SENP1: variants seen among roughly 807,000 people sequenced by gnomAD.
SENP1 encodes the protein SUMO specific peptidase 1, also known as sentrin-specific protease 1.
A neutral mutation model predicts 93.0 loss-of-function variants in SENP1; 21 were observed. The ratio of observed to expected loss-of-function variants is 0.23; its 90% confidence interval spans 0.16 to 0.33. The LOEUF (loss-of-function observed/expected upper bound fraction) is 0.33. Ranked by LOEUF, SENP1 falls within the 10% of genes least tolerant of loss-of-function variation. The probability of loss-of-function intolerance (pLI) is 1.00; values close to 1 mark genes in which losing one functional copy is unlikely to be tolerated. For synonymous variants in SENP1, 256 were observed against 259.6 expected (o/e 0.99, Z 0.13); for missense variants, 591 against 758.7 (o/e 0.78, Z 2.60).
At chr12:48,101,373 A>C in intron 2 of SENP1, 96 bp downstream of exon 2, 1 of 925,444 alleles carries the variant, frequency 1.1e-6, no homozygotes, top group Non-Finnish European at 1.7e-6. Flanking sequence ...TTAAGCACAA[A>C]GATACAAATA....
chr12:48,062,646 A>G (rs968416056), intron 13 of SENP1, among the ~76,000 whole-genome samples: 16 of 152,232 alleles, frequency 1.1e-4, no homozygotes, highest in African/African-American at 3.4e-4. Context: ...GATATAGTAG[A>G]TAAGACCCAA....
At chr12:48,095,045 A>C (rs907507499) in intron 4 of SENP1, among the ~76,000 whole-genome samples, 8 of 152,216 alleles carry the variant, frequency 5.3e-5, no homozygotes, top group African/African-American at 1.9e-4. Context: ...TTATGCACAT[A>C]CTATGGAAGT....
intron 1 of SENP1, among the ~76,000 whole-genome samples, chr12:48,102,426 T>C (rs113094459): frequency 0.036 from 3,335 of 93,446 alleles, 152 homozygotes; most frequent in African/African-American, 0.14. Context: ...AGCAAGACTC[T>C]GTCTCAAAAA....
chr12:48,074,859 G>T, intron 6 of SENP1, 66 bp from the exon 7 acceptor site: 1 of 1,053,204 alleles, frequency 9.5e-7, no homozygotes, highest in Non-Finnish European at 1.4e-6. Flanking sequence ...TCTCAAACTA[G>T]CATGTAAACA....
At position 48,101,600 on chromosome 12, in the gene SENP1, G is replaced by A. The variant is rs930360525; in HGVS notation, c.-44-84C>T. On this transcript the variant is annotated intron_variant, in intron 1 of 17. Transcript: ENST00000549518. ...TTTAGAAGGTGCAGCCACTAGAAGTGACATTTGTTTGTGTTCTTAGTGGAG... is the reference window on the plus strand; with the variant it reads ...TTTAGAAGGTGCAGCCACTAGAAGTAACATTTGTTTGTGTTCTTAGTGGAG... 5 of 712,440 alleles carry A rather than the reference G, an allele frequency of 7.0e-6. No homozygotes were observed. The African/African-American group carries it at 9.2e-5, about 13-fold the overall frequency. 44.1% of individuals were successfully genotyped at this position (712,440 alleles called of 1,614,324 possible).
intron 3 of SENP1, 119 bp from the exon 4 acceptor site, chr12:48,096,546 C>T (rs1463660362): frequency 1.6e-6 from 1 of 612,074 alleles, no homozygotes; most frequent in Non-Finnish European, 2.9e-6. Flanking sequence ...ACCTCCGCCT[C>T]CTGAGTTCAA....
chr12:48,098,233 C>G (rs572835539), intron 2 of SENP1, 109 bp from the exon 3 acceptor site: 22 of 1,106,020 alleles, frequency 2.0e-5, no homozygotes, highest in Middle Eastern at 5.9e-4. Context: ...GGCATGGTGT[C>G]TCATGCCTGT....
At chr12:48,081,538 G>GCCACCCT (rs1284336724) in intron 6 of SENP1, 3 of 148,918 alleles carry the variant, frequency 2.0e-5, no homozygotes, top group Non-Finnish European at 1.5e-5. Context: ...TACTAGTTCT[G>GCCACCCT]CCACCCTCCA....
chr12:48,079,371 C>T (rs944514681), intron 6 of SENP1, among the ~76,000 whole-genome samples: 16 of 151,728 alleles, frequency 1.1e-4, no homozygotes, highest in African/African-American at 3.1e-4. Context: ...CGGTGCTGCC[C>T]GCCTGTAGTC....
intron 9 of SENP1, among the ~76,000 whole-genome samples, chr12:48,067,736 C>A (rs933539130): frequency 6.6e-6 from 1 of 151,832 alleles, no homozygotes; most frequent in Non-Finnish European, 1.5e-5. Context: ...TGCTTTAGGA[C>A]GCTGAGGTGG....
intron 2 of SENP1, among the ~76,000 whole-genome samples, chr12:48,100,492 T>A (rs7304428): frequency 1.3e-4 from 20 of 151,972 alleles, no homozygotes; most frequent in African/African-American, 4.1e-4. Flanking sequence ...TTAGCCGGAC[T>A]TGGCGGCGCA....
chr12:48,076,792 G>A (rs567875923), intron 6 of SENP1, among the ~76,000 whole-genome samples: 45 of 151,476 alleles, frequency 3.0e-4, no homozygotes, highest in African/African-American at 8.7e-4. Context: ...ACAGGTGTGC[G>A]CCACCACGCC....
chr12:48,089,141 T>TA, intron 4 of SENP1, 181 bp from the exon 5 acceptor site: 7 of 1,574,394 alleles, frequency 4.4e-6, no homozygotes, highest in Non-Finnish European at 6.0e-6. Context: ...CTACAAACTA[T>TA]AATTGATTCA....
At position 48,063,594 on chromosome 12, in the gene SENP1, G is replaced by A. The variant is rs1220383037; in HGVS notation, c.1407+116C>T. 1.4e-5 allele frequency: 14 copies of A among 989,160 alleles called. No homozygotes were observed. In the East Asian group the frequency reaches 3.2e-4, roughly 23 times the overall value. The allele number at this position is 989,160 out of a possible 1,614,324, so 61.3% of individuals were successfully genotyped here. On this transcript the variant is annotated intron_variant, in intron 13 of 17. Transcript: ENST00000549518. ...TACAAGAATGAAGAGGCCTATGAGAGATGATTCCAATGCAGGTCATCCATG... is the reference window on the plus strand; with the variant it reads ...TACAAGAATGAAGAGGCCTATGAGAAATGATTCCAATGCAGGTCATCCATG...
At position 48,096,436 on chromosome 12, in the gene SENP1, A is replaced by T. The variant is rs745616965; in HGVS notation, c.136-9T>A. ...TGCCTGGAAGATAAAATCTAAACAA[A>T]GCAGAAGATTTTTCTTAAGTCACAT... On this transcript the variant is annotated splice_polypyrimidine_tract_variant and intron_variant, in intron 3 of 17. Coordinates refer to ENST00000549518, the MANE Select transcript of SENP1 (RefSeq NM_001267594.2). The T allele has an allele frequency of 6.3e-7, 1 of 1,579,948 alleles. No homozygotes were observed. Among genetic ancestry groups the T allele is most frequent in the African/African-American group, 1.3e-5 (1 of 74,076 alleles).
chr12:48,057,229 A>ATT (rs1167172151), intron 13 of SENP1, among the ~76,000 whole-genome samples: 1 of 142,966 alleles, frequency 7.0e-6, no homozygotes, highest in Non-Finnish European at 1.5e-5. Flanking sequence ...TAAAAAATAC[A>ATT]TTATATATAT....
chr12:48,081,711 C>T (rs918494209), intron 6 of SENP1, among the ~76,000 whole-genome samples: 2 of 151,146 alleles, frequency 1.3e-5, no homozygotes, highest in Admixed American at 6.6e-5. Context: ...GGTGGAACTA[C>T]AGCCACCTGC....
At position 48,044,127 on chromosome 12, in the gene SENP1, G is replaced by GT. The variant is rs1176469512; in HGVS notation, c.*1194dup. The GT allele has an allele frequency of 3.7e-3, 533 of 143,636 alleles. 5 individuals are homozygous for GT. The highest frequency in any genetic ancestry group is 4.2e-3 in the African/African-American group (164 of 39,380). 8.9% of individuals were successfully genotyped at this position (143,636 alleles called of 1,614,324 possible). On this transcript the variant is annotated 3_prime_UTR_variant, in exon 18 of 18. Transcript: ENST00000549518. ...AAGTTGATCAGTCCAAACTCCACCC[G>GT]TTTTTTTTTTTAGCTGAAAATATCA...
At chr12:48,095,785 G>C (rs1259885601) in intron 4 of SENP1, among the ~76,000 whole-genome samples, 1 of 152,112 alleles carries the variant, frequency 6.6e-6, no homozygotes, top group East Asian at 1.9e-4. Flanking sequence ...AGTCAGGCAG[G>C]TCACAGGATA....
Sources: gnomAD v4.1 joint callset for allele counts (sites outside exome capture counted in the v4.1 genomes callset) on GRCh38, gnomAD v4.1.1 for gene constraint, MANE v1.5 for transcripts, NCBI Gene and HGNC (gene_info 2026-07-23, HGNC 2026-07-21) for gene names.